JAK1: variants seen among roughly 807,000 people sequenced by gnomAD.
JAK1 encodes Janus kinase 1, also known as tyrosine-protein kinase JAK1.
In JAK1, 16 loss-of-function variants were observed where a neutral mutation model predicts 136.6. That is an observed-to-expected ratio of 0.12 (90% CI 0.08 to 0.18). The LOEUF is 0.18. JAK1 is among the 10% of genes least tolerant of loss of function. JAK1 has a pLI of 1.00. For missense variants in JAK1, 859 were observed against 1,450.1 expected (o/e 0.59, Z 6.62); for synonymous variants, 492 against 519.5 (o/e 0.95, Z 0.72).
intron 4 of JAK1, among the ~76,000 whole-genome samples, chr1:64,876,966 C>A (rs776948938): frequency 8.5e-5 from 13 of 152,120 alleles, no homozygotes; most frequent in Non-Finnish European, 1.5e-4. Context: ...TTTTAATGGA[C>A]TGTGAAATTC....
At chr1:65,027,502 T>G (rs957706155) in intron 2 of JAK1, among the ~76,000 whole-genome samples, 3 of 152,156 alleles carry the variant, frequency 2.0e-5, no homozygotes, top group Non-Finnish European at 4.4e-5. Context: ...ATTTGGGTCC[T>G]CTAGGAAGCA....
rs763852718 is a variant in JAK1, at chr1:64,844,044, C to T, written c.2403+20G>A. The T allele has an allele frequency of 6.2e-7, 1 of 1,613,042 alleles. No homozygotes were observed. The highest frequency in any genetic ancestry group is 8.5e-7 in the Non-Finnish European group (1 of 1,179,728). ...CTGAAAGCCCTCACTTGCCTCACGC[C>T]CCGGGAAACACCTGCTCACCTCAAT... On this transcript the variant is annotated intron_variant, in intron 17 of 24. Transcript: ENST00000342505. This position sits in a 1 kb window ranked among gnomAD's most constrained non-coding sequence, Gnocchi z 5.7.
At chr1:65,049,528 C>T (rs1647228265) in intron 1 of JAK1, among the ~76,000 whole-genome samples, 2 of 152,184 alleles carry the variant, frequency 1.3e-5, no homozygotes, top group Non-Finnish European at 2.9e-5. Context: ...AGAAGAACCA[C>T]CCACCTTGGT....
At chr1:65,063,208 T>C (rs902297622) in intron 1 of JAK1, among the ~76,000 whole-genome samples, 2 of 152,020 alleles carry the variant, frequency 1.3e-5, no homozygotes, top group African/African-American at 2.4e-5. Context: ...GACAGATGAG[T>C]AGAATCACTA....
chr1:64,986,102 T>G, intron 2 of JAK1: 2 of 839,676 alleles, frequency 2.4e-6, no homozygotes, highest in Non-Finnish European at 3.7e-6. Flanking sequence ...ATGGCCTCAA[T>G]CTAATTGTTT....
chr1:64,980,028 T>C lies in JAK1; in HGVS notation c.-78+64452A>G, dbSNP rs368801466. Among the ~76,000 whole-genome samples, 10 of 152,314 alleles carry C rather than the reference T, an allele frequency of 6.6e-5. No homozygotes were observed. The East Asian group carries it at 1.9e-3, about 29-fold the overall frequency. The stretch of plus-strand genomic sequence containing the variant: ...GCAGAAACCATGTATAATACAATAT[T>C]TATATTGATTCAGCATGACAGATAT... On this transcript the variant is annotated intron_variant, in intron 2 of 25. Coordinates refer to the JAK1 transcript ENST00000671954.
At chr1:64,969,483 G>A (rs1176236739), upstream of JAK1, among the ~76,000 whole-genome samples, 1 of 150,344 alleles carries the variant, frequency 6.7e-6, no homozygotes, top group Non-Finnish European at 1.5e-5. Context: ...AATGTCCCCT[G>A]GGGTGCAAAA....
chr1:64,884,127 C>T (rs1489456691), intron 2 of JAK1, among the ~76,000 whole-genome samples: 1 of 152,108 alleles, frequency 6.6e-6, no homozygotes, highest in East Asian at 1.9e-4. Flanking sequence ...AGGACTTTGA[C>T]GCAGCACCAG....
intron 1 of JAK1, among the ~76,000 whole-genome samples, chr1:64,959,691 C>T (rs1413200622): frequency 2.0e-5 from 3 of 152,126 alleles, no homozygotes; most frequent in African/African-American, 7.2e-5. Context: ...GTCATTTTTC[C>T]TTAAAAATAA....
chr1:64,903,404 A>G (rs1645142049), intron 1 of JAK1, among the ~76,000 whole-genome samples: 1 of 152,206 alleles, frequency 6.6e-6, no homozygotes, highest in Admixed American at 6.5e-5. Flanking sequence ...AGCAGCCCTC[A>G]TGGCATGGGG....
chr1:64,866,961 T>A lies in JAK1; in HGVS notation c.895A>T (p.Met299Leu). Residue 299 changes from methionine (M) to leucine (L), a missense_variant, in exon 7 of 25, where the codon ATG becomes TTG. This residue lies in a region of JAK1 where 353 missense variants were observed against 494.0 expected (regional missense o/e 0.71). Transcript: ENST00000342505. Reference protein sequence around the residue: ...SMLLISSENEMNWFHSNDGGN... With the variant: ...SMLLISSENELNWFHSNDGGN... Reference sequence around the variant, plus strand: ...CCGTCATTCGAATGAAACCAATTCATCTCATTTTCTGATGAAATCAGTAAC... The same window carrying A: ...CCGTCATTCGAATGAAACCAATTCAACTCATTTTCTGATGAAATCAGTAAC... The A allele has an allele frequency of 6.2e-7, 1 of 1,614,210 alleles. No homozygotes were observed. The highest frequency in any genetic ancestry group is 1.3e-5 in the African/African-American group (1 of 75,074).
intron 1 of JAK1, among the ~76,000 whole-genome samples, chr1:64,927,012 G>A (rs1645594345): frequency 6.6e-6 from 1 of 152,172 alleles, no homozygotes; most frequent in Admixed American, 6.5e-5. Flanking sequence ...CTTCCATTAT[G>A]CCCCAAGTCC....
chr1:64,945,708 A>G (rs1645972825), intron 1 of JAK1, among the ~76,000 whole-genome samples: 1 of 149,580 alleles, frequency 6.7e-6, no homozygotes, highest in South Asian at 2.2e-4. Flanking sequence ...CTCAATTTGT[A>G]CCCTGTTATA....
At chr1:64,906,418 C>CTCCT (rs780361376) in intron 1 of JAK1, among the ~76,000 whole-genome samples, 3 of 151,966 alleles carry the variant, frequency 2.0e-5, no homozygotes, top group Non-Finnish European at 4.4e-5. Context: ...CAACACACAC[C>CTCCT]TCCTCCCTCC....
At chr1:65,035,057 AAAATAAATAAATAAATAAAT>A (rs35499348) in intron 2 of JAK1, among the ~76,000 whole-genome samples, 1 of 149,506 alleles carries the variant, frequency 6.7e-6, no homozygotes, top group African/African-American at 2.5e-5. Context: ...ACTCCATCTC[AAAATAAATAAATAAATAAAT>A]AAATAAATAA....
At chr1:64,911,403 ACT>A (rs1645283675) in intron 1 of JAK1, among the ~76,000 whole-genome samples, 1 of 152,088 alleles carries the variant, frequency 6.6e-6, no homozygotes, top group African/African-American at 2.4e-5. Flanking sequence ...ACATATGGTC[ACT>A]CTCTGTGTTC....
intron 6 of JAK1, 130 bp from the exon 7 acceptor site, chr1:64,867,338 T>C (rs760286094): frequency 7.6e-5 from 49 of 642,250 alleles, no homozygotes; most frequent in Non-Finnish European, 1.3e-4. Context: ...CAGAGGACGT[T>C]AGATGGAGTT....
chr1:64,837,075 C>G (rs1480651464), intron 22 of JAK1, among the ~76,000 whole-genome samples: 1 of 152,192 alleles, frequency 6.6e-6, no homozygotes, highest in Non-Finnish European at 1.5e-5. Flanking sequence ...TCTGTCTAAA[C>G]CCGCATGAAT....
At chr1:64,878,561 GTATATATATATATATATA>G (rs56881589) in intron 4 of JAK1, among the ~76,000 whole-genome samples, 78 of 119,980 alleles carry the variant, frequency 6.5e-4, no homozygotes, top group East Asian at 2.3e-3. Context: ...TATATAGTGT[GTATATATATATATATATA>G]TATATATATA....
Sources: gnomAD v4.1 joint callset for allele counts (sites outside exome capture counted in the v4.1 genomes callset) on GRCh38, gnomAD v4.1.1 for gene constraint, gnomAD v4.1.1 regional missense constraint, Gnocchi (gnomAD v3.1) non-coding constraint, MANE v1.5 for transcripts, NCBI Gene and HGNC (gene_info 2026-07-23, HGNC 2026-07-21) for gene names.